MYH15: variants seen among roughly 807,000 people sequenced by gnomAD.
MYH15 encodes the protein myosin-15.
In MYH15, 227 loss-of-function variants were observed where a neutral mutation model predicts 240.5. The observed-to-expected ratio is 0.94, with a 90% CI of 0.85 to 1.05. The LOEUF (loss-of-function observed/expected upper bound fraction) is 1.05, where lower values mean the gene tolerates loss of function less well. MYH15 is among the 50% of genes least tolerant of loss of function. The pLI is 0.00. For synonymous variants in MYH15, 785 were observed against 796.7 expected (o/e 0.99, Z 0.25); for missense variants, 2,217 against 2,247.5 (o/e 0.99, Z 0.27).
chr3:108,428,137 C>T (rs1001480345), intron 27 of MYH15, among the ~76,000 whole-genome samples: 3 of 152,184 alleles, frequency 2.0e-5, no homozygotes, highest in Non-Finnish European at 4.4e-5. Flanking sequence ...AGTATCCAGG[C>T]CATCACTGAG....
At chr3:108,514,003 T>C (rs2107258223), upstream of MYH15, among the ~76,000 whole-genome samples, 1 of 152,348 alleles carries the variant, frequency 6.6e-6, no homozygotes, top group East Asian at 1.9e-4. Context: ...AGGTGTATCT[T>C]AGTTACCAGT....
chr3:108,538,250 G>A, the MYH15 span, among the ~76,000 whole-genome samples: 1 of 152,142 alleles, frequency 6.6e-6, no homozygotes, highest in Non-Finnish European at 1.5e-5. Flanking sequence ...ATGCCAGACT[G>A]AGCTTCCAGT....
At chr3:108,435,452 G>T (rs554588006) in intron 25 of MYH15, among the ~76,000 whole-genome samples, 1 of 151,994 alleles carries the variant, frequency 6.6e-6, no homozygotes, top group South Asian at 2.1e-4. Context: ...TCATTGAACA[G>T]AAACTCTCCA....
At chr3:108,443,709 T>C (rs2082902696) in intron 22 of MYH15, among the ~76,000 whole-genome samples, 1 of 151,908 alleles carries the variant, frequency 6.6e-6, no homozygotes, top group Non-Finnish European at 1.5e-5. Flanking sequence ...TATTATATGA[T>C]CTGAGGGTTG....
chr3:108,417,294 A>G (rs1327786342), intron 28 of MYH15, among the ~76,000 whole-genome samples: 1 of 152,232 alleles, frequency 6.6e-6, no homozygotes, highest in Non-Finnish European at 1.5e-5. Flanking sequence ...AGGAGGAAAC[A>G]GAGCAACTTA....
At chr3:108,394,177 T>C (rs952099973) in intron 35 of MYH15, 21 bp from the exon 36 acceptor site, 1 of 1,613,380 alleles carries the variant, frequency 6.2e-7, no homozygotes, top group African/African-American at 1.3e-5. Context: ...GCAGCATTCC[T>C]ATTAGGCAAG....
At chr3:108,448,044 T>C (rs1203303349) in intron 21 of MYH15, among the ~76,000 whole-genome samples, 1 of 152,092 alleles carries the variant, frequency 6.6e-6, no homozygotes, top group Non-Finnish European at 1.5e-5. Context: ...AAATAAGATG[T>C]TGTCAGCCTT....
chr3:108,407,216 C>T (rs971205213), intron 32 of MYH15, among the ~76,000 whole-genome samples: 4 of 152,212 alleles, frequency 2.6e-5, no homozygotes, highest in Non-Finnish European at 5.9e-5. Context: ...GGAATCACAA[C>T]GGTGAGGTAA....
intron 21 of MYH15, among the ~76,000 whole-genome samples, chr3:108,445,528 G>A (rs560318476): frequency 6.6e-6 from 1 of 151,466 alleles, no homozygotes; most frequent in South Asian, 2.1e-4. Context: ...TTTTTTTACT[G>A]ATAATAAATA....
chr3:108,527,688 T>G (rs1194042097), intron 1 of MYH15, among the ~76,000 whole-genome samples: 1 of 152,158 alleles, frequency 6.6e-6, no homozygotes, highest in Non-Finnish European at 1.5e-5. Context: ...AGAAAAAATC[T>G]TATGGCTTAT....
chr3:108,511,330 A>T (rs1397956737), upstream of MYH15, among the ~76,000 whole-genome samples: 1 of 152,204 alleles, frequency 6.6e-6, no homozygotes. Flanking sequence ...CCTGGCCAAG[A>T]GCAGTAATGA....
the MYH15 span, among the ~76,000 whole-genome samples, chr3:108,548,188 T>A: frequency 1.2e-4 from 19 of 152,276 alleles, no homozygotes; most frequent in African/African-American, 4.6e-4. Flanking sequence ...TTAAAGGACT[T>A]ATTTTGTCAA....
chr3:108,464,411 G>A (rs796569672), intron 15 of MYH15, among the ~76,000 whole-genome samples: 2 of 152,226 alleles, frequency 1.3e-5, no homozygotes, highest in South Asian at 4.1e-4. Flanking sequence ...TTGAGTTGAG[G>A]TTGACAGAGT....
intron 32 of MYH15, among the ~76,000 whole-genome samples, chr3:108,407,263 G>A (rs1420271210): frequency 6.6e-6 from 1 of 152,140 alleles, no homozygotes; most frequent in Non-Finnish European, 1.5e-5. Flanking sequence ...GTGGTCCTTT[G>A]GGGTCTTGTT....
intron 30 of MYH15, among the ~76,000 whole-genome samples, chr3:108,412,021 A>C (rs1383328886): frequency 6.6e-6 from 1 of 152,240 alleles, no homozygotes; most frequent in African/African-American, 2.4e-5. Context: ...AGGCAGTAGG[A>C]GTCAAGTGAA....
intron 25 of MYH15, among the ~76,000 whole-genome samples, chr3:108,433,043 G>C (rs1334604657): frequency 6.6e-6 from 1 of 152,190 alleles, no homozygotes; most frequent in Non-Finnish European, 1.5e-5. Flanking sequence ...CACGCACCTG[G>C]AAAAGCTGCA....
At chr3:108,501,631 T>C (rs2083438931) in intron 3 of MYH15, 81 bp downstream of exon 3, 9 of 1,564,908 alleles carry the variant, frequency 5.8e-6, no homozygotes, top group Middle Eastern at 1.8e-4. Flanking sequence ...TTAAACTCAA[T>C]GTAAGAGATC....
intron 9 of MYH15, among the ~76,000 whole-genome samples, chr3:108,486,757 C>T (rs1027951780): frequency 1.3e-5 from 2 of 151,892 alleles, no homozygotes; most frequent in Non-Finnish European, 1.5e-5. Context: ...ATTCAAAAAG[C>T]GGATTCAATT....
chr3:108,391,808 C>G lies in MYH15; in HGVS notation c.5382G>C (p.Gln1794His), dbSNP rs1436483207. The part of the protein sequence containing the change: ...DLQKRLAEAE[Q>H]MALMGSRKQI... Reference sequence around the variant, plus strand: ...GCTTTCTACTCCCCATCAGGGCCATCTGTTCAGCTTCAGCCAGCCTTTTCT... The same window carrying G: ...GCTTTCTACTCCCCATCAGGGCCATGTGTTCAGCTTCAGCCAGCCTTTTCT... Residue 1794 changes from glutamine to histidine, a missense_variant, in exon 37 of 41, where the codon CAG becomes CAC. By Grantham distance (24) the Gln-to-His change is conservative (BLOSUM62 0). Transcript: ENST00000693548. The G allele has an allele frequency of 6.2e-7, 1 of 1,613,982 alleles. No individual in the cohort carries two copies. The highest frequency in any genetic ancestry group is 1.3e-5 in the African/African-American group (1 of 74,912).
Sources: gnomAD v4.1 joint callset for allele counts (sites outside exome capture counted in the v4.1 genomes callset) on GRCh38, gnomAD v4.1.1 for gene constraint, MANE v1.5 for transcripts, NCBI Gene and HGNC (gene_info 2026-07-23, HGNC 2026-07-21) for gene names.